GALNT5: variants seen among roughly 807,000 people sequenced by gnomAD.
The protein encoded by GALNT5 is UDP-GalNAc:polypeptide N-acetylgalactosaminyltransferase 5.
GALNT5 carries 72 observed loss-of-function variants against 85.4 expected under a neutral mutation model. The ratio of observed to expected loss-of-function variants is 0.84; its 90% confidence interval spans 0.70 to 1.03. The LOEUF (loss-of-function observed/expected upper bound fraction) is 1.03. GALNT5 is among the 50% of genes least tolerant of loss of function. The pLI is 0.00. For missense variants in GALNT5, 1,137 were observed against 1,135.5 expected, an observed-to-expected ratio of 1.00 and a Z score of -0.02; for synonymous variants, 404 against 397.0, an observed-to-expected ratio of 1.02 and a Z score of -0.21.
chr2:157,266,261 G>T (rs1682456905), intron 1 of GALNT5, among the ~76,000 whole-genome samples: 1 of 152,150 alleles, frequency 6.6e-6, no homozygotes, highest in Non-Finnish European at 1.5e-5. Context: ...GATGAGGGGG[G>T]AAAAAAGAGC....
rs141588420 is a variant in GALNT5 at position 157,297,173 on chromosome 2, T to C, written c.1997+660T>C. On this transcript the variant is annotated intron_variant, in intron 5 of 9. Coordinates refer to ENST00000259056, the MANE Select transcript of GALNT5 (RefSeq NM_014568.3). ...AAACTTTCCCTGTTGTAGTGACCACTTAAACAGACACAAGTAAGCCAGCCC... is the reference window on the plus strand; with the variant it reads ...AAACTTTCCCTGTTGTAGTGACCACCTAAACAGACACAAGTAAGCCAGCCC... Among the ~76,000 whole-genome samples the C allele has an allele frequency of 7.9e-5, 12 of 152,282 alleles. No individual in the cohort carries two copies. In the East Asian group the frequency reaches 2.3e-3, roughly 29 times the overall value.
chr2:157,259,144 C>A lies in GALNT5; in HGVS notation c.1062C>A (p.Ser354Arg). Residue 354 changes from serine (S) to arginine (R), a missense_variant, in exon 1 of 10, where the codon AGC becomes AGA. Physicochemically the swap from Ser to Arg is moderately radical, Grantham distance 110. Coordinates refer to ENST00000259056, the MANE Select transcript of GALNT5 (RefSeq NM_014568.3). ...KTIFPKVLGKSQSKHISRNRS... is the reference protein window; with the variant it reads ...KTIFPKVLGKRQSKHISRNRS... Reference sequence around the variant, plus strand: ...TATTTCCTAAAGTATTGGGTAAAAGCCAAAGTAAACACATTTCCAGGAATA... The same window carrying A: ...TATTTCCTAAAGTATTGGGTAAAAGACAAAGTAAACACATTTCCAGGAATA... 6.7e-6 allele frequency: 10 copies of A among 1,490,722 alleles called. No homozygotes were observed. The highest frequency in any genetic ancestry group is 8.9e-6 in the Non-Finnish European group (10 of 1,120,174). 92.3% of individuals were successfully genotyped at this position (1,490,722 alleles called of 1,614,324 possible). A position where few individuals can be genotyped will look rare whatever the true frequency, so the allele number is the denominator to read the frequency against.
chr2:157,267,390 A>T (rs1682478530), intron 1 of GALNT5, among the ~76,000 whole-genome samples: 1 of 152,232 alleles, frequency 6.6e-6, no homozygotes, highest in Non-Finnish European at 1.5e-5. Context: ...GCCTTTTCTC[A>T]GGGGACTTAT....
intron 1 of GALNT5, among the ~76,000 whole-genome samples, chr2:157,265,480 T>C (rs1394774361): frequency 6.6e-6 from 1 of 152,190 alleles, no homozygotes; most frequent in Non-Finnish European, 1.5e-5. Flanking sequence ...AATGTTAAAG[T>C]GAATTCCTGA....
chr2:157,272,413 T>C (rs1682609808), intron 1 of GALNT5, among the ~76,000 whole-genome samples: 2 of 152,228 alleles, frequency 1.3e-5, no homozygotes, highest in African/African-American at 2.4e-5. Context: ...GAAGTACATG[T>C]ACAGGTTTGT....
At chr2:157,261,820 G>A (rs1343133127) in intron 1 of GALNT5, among the ~76,000 whole-genome samples, 1 of 151,976 alleles carries the variant, frequency 6.6e-6, no homozygotes, top group African/African-American at 2.4e-5. Context: ...AGTGTTTTTT[G>A]TTTTTGTTTT....
In GALNT5 at chr2:157,311,632, T is replaced by A; in HGVS notation, c.*284T>A. 1 of 234,926 alleles carries A rather than the reference T, an allele frequency of 4.3e-6. No homozygotes were observed. Among genetic ancestry groups the A allele is most frequent in the South Asian group, 9.5e-5 (1 of 10,580 alleles). 14.6% of individuals were successfully genotyped at this position (234,926 alleles called of 1,614,324 possible). ...AAATTTCCCTGTGAAAGCTAACAGG[T>A]AACTGGAAATGAAGACAGAAGGACT... On this transcript the variant is annotated 3_prime_UTR_variant, in exon 10 of 10. Transcript: ENST00000259056.
intron 1 of GALNT5, among the ~76,000 whole-genome samples, chr2:157,281,868 G>C (rs1682861483): frequency 6.6e-6 from 1 of 152,178 alleles, no homozygotes; most frequent in Non-Finnish European, 1.5e-5. Context: ...TTTAGCTGAG[G>C]AGAGTACCAA....
chr2:157,258,697 T>C lies in GALNT5; in HGVS notation c.615T>C (p.Ser205=), dbSNP rs777247116. 4 of 1,613,758 alleles carry C rather than the reference T, an allele frequency of 2.5e-6. No individual in the cohort carries two copies. The highest frequency in any genetic ancestry group is 1.1e-5 in the South Asian group (1 of 91,074). ...CCCGGAAGAGTCATAGTCCCAGCAGTGACACATCAAAACTAGCAGCTGAAA... is the reference window on the plus strand; with the variant it reads ...CCCGGAAGAGTCATAGTCCCAGCAGCGACACATCAAAACTAGCAGCTGAAA... The part of the protein sequence containing the change: ...QEPRKSHSPS[S]DTSKLAAERD... Residue 205 remains serine (S), a synonymous_variant, in exon 1 of 10, where the codon AGT becomes AGC. Transcript: ENST00000259056.
At chr2:157,281,612 AAAAGAAAG>A (rs144291251) in intron 1 of GALNT5, among the ~76,000 whole-genome samples, 1 of 152,034 alleles carries the variant, frequency 6.6e-6, no homozygotes, top group Non-Finnish European at 1.5e-5. Flanking sequence ...ATTTCAGAAA[AAAAGAAAG>A]AAAGAAAGAA....
chr2:157,311,656 C>T lies in GALNT5; in HGVS notation c.*308C>T, dbSNP rs1574039023. On this transcript the variant is annotated 3_prime_UTR_variant, in exon 10 of 10. Transcript: ENST00000259056. ...GTAACTGGAAATGAAGACAGAAGGA[C>T]TTGAGAAAGCATGAGGATATTCCCA... 1 of 205,992 alleles carries T rather than the reference C, an allele frequency of 4.9e-6. No individual in the cohort carries two copies. Among genetic ancestry groups the T allele is most frequent in the South Asian group, 1.1e-4 (1 of 8,768 alleles). 12.8% of individuals were successfully genotyped at this position (205,992 alleles called of 1,614,324 possible).
chr2:157,308,254 A>G (rs542794455), intron 8 of GALNT5, among the ~76,000 whole-genome samples: 1 of 152,304 alleles, frequency 6.6e-6, no homozygotes, highest in Admixed American at 6.5e-5. Context: ...AATTAATTGC[A>G]CTGAATAATT....
intron 3 of GALNT5, among the ~76,000 whole-genome samples, chr2:157,294,272 C>G (rs1683161493): frequency 6.6e-6 from 1 of 152,108 alleles, no homozygotes; most frequent in Admixed American, 6.6e-5. Context: ...CATTTTTCCC[C>G]CTGGAATGTT....
intron 3 of GALNT5, among the ~76,000 whole-genome samples, chr2:157,288,622 T>A (rs531387065): frequency 1.3e-5 from 2 of 152,238 alleles, no homozygotes; most frequent in South Asian, 4.1e-4. Context: ...AAAAAGCAAA[T>A]TTTTCTAAAG....
chr2:157,279,862 C>T (rs1209992791), intron 1 of GALNT5, among the ~76,000 whole-genome samples: 3 of 152,214 alleles, frequency 2.0e-5, no homozygotes, highest in Admixed American at 2.0e-4. Context: ...GAACCAGGTA[C>T]CTCAGTTGGA....
intron 3 of GALNT5, among the ~76,000 whole-genome samples, chr2:157,287,903 C>T (rs1409711863): frequency 6.6e-6 from 1 of 152,188 alleles, no homozygotes; most frequent in Non-Finnish European, 1.5e-5. Context: ...CACAATAACT[C>T]TATGAGATGA....
At position 157,309,099 on chromosome 2, in the gene GALNT5, A is replaced by C. The variant is rs867863353; in HGVS notation, c.2682+371A>C. On this transcript the variant is annotated intron_variant, in intron 9 of 9. Transcript: ENST00000259056. ...GGATATGGGCAACACAGGAAGCAGC[A>C]TGTCTCCTACAAGTCCTGCACTTTA... 1.3e-5 allele frequency among the ~76,000 whole-genome samples: 2 copies of C among 152,276 alleles called. 1 individual carries two copies. The highest frequency in any genetic ancestry group is 4.1e-4 in the South Asian group (2 of 4,826).
Position 157,265,692 on chromosome 2 carries a change from T to C in GALNT5, c.1454+6156T>C, listed in dbSNP as rs145160077. Among the ~76,000 whole-genome samples, 9 of 152,348 alleles carry C rather than the reference T, an allele frequency of 5.9e-5. 1 individual carries two copies. Among genetic ancestry groups the C allele is most frequent in the Non-Finnish European group, 1.3e-4 (9 of 68,022 alleles). ...AAAATAACTTCCTATTGGGCTTTTC[T>C]GGCTGATCCAATCAGAACAGAGCCT... On this transcript the variant is annotated intron_variant, in intron 1 of 9. Transcript: ENST00000259056.
chr2:157,294,989 T>C (rs1417200787), intron 3 of GALNT5, among the ~76,000 whole-genome samples: 1 of 151,852 alleles, frequency 6.6e-6, no homozygotes, highest in African/African-American at 2.4e-5. Flanking sequence ...CCTCTAAGTC[T>C]TTTTAAAAAT....
Sources: gnomAD v4.1 joint callset for allele counts (sites outside exome capture counted in the v4.1 genomes callset) on GRCh38, gnomAD v4.1.1 for gene constraint, MANE v1.5 for transcripts, NCBI Gene and HGNC (gene_info 2026-07-23, HGNC 2026-07-21) for gene names.